The following RNF180 variants were observed in gnomAD, a reference collection of about 807,000 sequenced individuals.
RNF180 encodes the protein E3 ubiquitin-protein ligase RNF180.
In RNF180, 38 loss-of-function variants were observed where a neutral mutation model predicts 59.2. That is an observed-to-expected ratio of 0.64 (90% CI 0.50 to 0.84). The LOEUF (loss-of-function observed/expected upper bound fraction) is 0.84, where lower values mean the gene tolerates loss of function less well. RNF180 is among the 40% of genes least tolerant of loss of function. The probability of loss-of-function intolerance (pLI) is 0.00; values close to 1 mark genes in which losing one functional copy is unlikely to be tolerated. For missense variants in RNF180, 705 were observed against 700.9 expected (o/e 1.01, Z -0.07); for synonymous variants, 262 against 240.3 (o/e 1.09, Z -0.84).
intron 5 of RNF180, 118 bp downstream of exon 5, chr5:64,217,514 T>A: frequency 7.8e-7 from 1 of 1,279,902 alleles, no homozygotes; most frequent in Non-Finnish European, 9.9e-7. Flanking sequence ...AAGCAAGCAC[T>A]GGTATTCTCA....
At chr5:64,306,683 A>G (rs555689669) in intron 5 of RNF180, among the ~76,000 whole-genome samples, 1 of 151,878 alleles carries the variant, frequency 6.6e-6, no homozygotes, top group East Asian at 1.9e-4. Context: ...AGCGACATGG[A>G]TGAAGCTGGA....
chr5:64,250,923 C>T (rs1443108604), intron 5 of RNF180, among the ~76,000 whole-genome samples: 1 of 152,000 alleles, frequency 6.6e-6, no homozygotes, highest in Non-Finnish European at 1.5e-5. Flanking sequence ...AACTACAGTC[C>T]AATAAAGCTG....
intron 5 of RNF180, among the ~76,000 whole-genome samples, chr5:64,304,277 G>T (rs1337489050): frequency 1.3e-5 from 2 of 151,594 alleles, no homozygotes; most frequent in Non-Finnish European, 3.0e-5. Context: ...ATGGATCAAG[G>T]AGTAATTCTG....
intron 5 of RNF180, among the ~76,000 whole-genome samples, chr5:64,268,824 TTC>T (rs1744837679): frequency 6.6e-6 from 1 of 152,174 alleles, no homozygotes; most frequent in Admixed American, 6.5e-5. Flanking sequence ...CCCTCTAAAC[TTC>T]TGTTAGTTTT....
chr5:64,333,858 C>T (rs947365553), intron 7 of RNF180, among the ~76,000 whole-genome samples: 1 of 152,184 alleles, frequency 6.6e-6, no homozygotes, highest in African/African-American at 2.4e-5. Context: ...TATATTCTAT[C>T]AGGAGCTCAG....
chr5:64,198,533 T>C (rs1044847857), intron 1 of RNF180, among the ~76,000 whole-genome samples: 25 of 152,218 alleles, frequency 1.6e-4, no homozygotes, highest in African/African-American at 6.0e-4. Flanking sequence ...GTTTTTTTCC[T>C]ACTACATAGT....
intron 7 of RNF180, among the ~76,000 whole-genome samples, chr5:64,333,912 G>A (rs976692): frequency 0.31 from 46,946 of 152,028 alleles, 7,712 homozygotes; most frequent in African/African-American, 0.42. Context: ...TGGAGTAGCC[G>A]ATTAAAGTAT....
chr5:64,169,836 A>G (rs528763823), intron 1 of RNF180, among the ~76,000 whole-genome samples: 2 of 152,370 alleles, frequency 1.3e-5, no homozygotes, highest in African/African-American at 4.8e-5. Context: ...TTGCAGTAGA[A>G]TCTTCTATAG....
intron 5 of RNF180, among the ~76,000 whole-genome samples, chr5:64,269,053 CTT>C (rs1744854527): frequency 6.6e-6 from 1 of 152,118 alleles, no homozygotes; most frequent in Non-Finnish European, 1.5e-5. Flanking sequence ...CCTTACCTCT[CTT>C]ATATTCTTTC....
intron 5 of RNF180, among the ~76,000 whole-genome samples, chr5:64,226,813 A>G (rs1445685989): frequency 2.0e-5 from 3 of 152,220 alleles, no homozygotes; most frequent in Non-Finnish European, 4.4e-5. Flanking sequence ...ATTTGGCCAC[A>G]TGGAAATCAG....
intron 5 of RNF180, among the ~76,000 whole-genome samples, chr5:64,298,150 G>T (rs1037533498): frequency 2.0e-5 from 3 of 152,026 alleles, no homozygotes; most frequent in Non-Finnish European, 4.4e-5. Context: ...GTTTGCTAAG[G>T]ATAATGGCCT....
chr5:64,341,020 C>G (rs1477234722), intron 7 of RNF180, among the ~76,000 whole-genome samples: 1 of 152,070 alleles, frequency 6.6e-6, no homozygotes, highest in Non-Finnish European at 1.5e-5. Flanking sequence ...TTCATTATTT[C>G]ACATATATAG....
chr5:64,175,606 C>T (rs981242393), intron 1 of RNF180, among the ~76,000 whole-genome samples: 5 of 151,988 alleles, frequency 3.3e-5, no homozygotes, highest in Non-Finnish European at 7.4e-5. Flanking sequence ...TGGGGTCTTT[C>T]GTGGTTCTGT....
At chr5:64,365,747 T>C (rs1261939793) in intron 7 of RNF180, among the ~76,000 whole-genome samples, 2 of 151,744 alleles carry the variant, frequency 1.3e-5, no homozygotes, top group Non-Finnish European at 3.0e-5. Flanking sequence ...TCTTTGTCTT[T>C]TTTTATCTTT....
intron 1 of RNF180, among the ~76,000 whole-genome samples, chr5:64,189,661 G>C (rs1051911099): frequency 2.0e-5 from 3 of 152,072 alleles, no homozygotes; most frequent in Non-Finnish European, 2.9e-5. Flanking sequence ...ATTATACAAG[G>C]AATTTTAAGC....
rs751025722 is a variant in RNF180, at chr5:64,200,779, A to T, written c.1-29A>T. ...AGTCCAGTTTATCTGACAGTTTAAC[A>T]TTCTAAAAATGCACTAATGTTTCCG... On this transcript the variant is annotated intron_variant, in intron 1 of 7. Coordinates refer to ENST00000389100, the MANE Select transcript of RNF180 (RefSeq NM_001113561.2). The T allele has an allele frequency of 5.6e-6, 9 of 1,597,178 alleles. No individual in the cohort carries two copies. The Admixed American group carries it at 1.5e-4, about 27-fold the overall frequency.
intron 5 of RNF180, among the ~76,000 whole-genome samples, chr5:64,319,849 ATCTT>A (rs1437193800): frequency 1.3e-5 from 2 of 152,230 alleles, no homozygotes; most frequent in Admixed American, 6.5e-5. Context: ...GTACAGTTGA[ATCTT>A]TATTTTTACA....
intron 5 of RNF180, among the ~76,000 whole-genome samples, chr5:64,265,053 C>T (rs1467335253): frequency 5.9e-5 from 9 of 152,120 alleles, no homozygotes; most frequent in East Asian, 3.9e-4. Context: ...TCATGTCCTT[C>T]GCATACTTTT....
intron 1 of RNF180, among the ~76,000 whole-genome samples, chr5:64,194,158 C>T (rs1236303623): frequency 1.3e-5 from 2 of 152,114 alleles, no homozygotes; most frequent in African/African-American, 2.4e-5. Context: ...TCCCTTTTCC[C>T]CCCACCCCAC....
Sources: gnomAD v4.1 joint callset for allele counts (sites outside exome capture counted in the v4.1 genomes callset) on GRCh38, gnomAD v4.1.1 for gene constraint, MANE v1.5 for transcripts, NCBI Gene and HGNC (gene_info 2026-07-23, HGNC 2026-07-21) for gene names.